Variants in ST6GALNAC3 observed in about 807,000 individuals in gnomAD.
The protein encoded by ST6GALNAC3 is alpha-N-acetylgalactosaminide alpha-2,6-sialyltransferase 3.
In ST6GALNAC3, 25 loss-of-function variants were observed where a neutral mutation model predicts 32.7. The observed-to-expected ratio is 0.76, with a 90% CI of 0.56 to 1.07. The LOEUF (loss-of-function observed/expected upper bound fraction) is 1.07. Among genes scored for constraint, ST6GALNAC3 ranks in the 50% least tolerant of loss-of-function variants. The pLI, the probability that ST6GALNAC3 is intolerant of heterozygous loss-of-function variation, is 0.00. For missense variants in ST6GALNAC3, 355 were observed against 382.4 expected, an observed-to-expected ratio of 0.93 and a Z score of 0.60; for synonymous variants, 129 against 133.1, an observed-to-expected ratio of 0.97 and a Z score of 0.21.
intron 3 of ST6GALNAC3, among the ~76,000 whole-genome samples, chr1:76,504,825 G>A (rs1188960380): frequency 1.3e-5 from 2 of 152,070 alleles, no homozygotes; most frequent in African/African-American, 4.8e-5. Context: ...TCAATACTAG[G>A]TATTCAGTTA....
At chr1:76,227,857 G>T (rs1656162300) in intron 1 of ST6GALNAC3, among the ~76,000 whole-genome samples, 1 of 152,302 alleles carries the variant, frequency 6.6e-6, no homozygotes, top group Non-Finnish European at 1.5e-5. Context: ...TGCTGCACAA[G>T]ATTTGCAGCT....
chr1:76,249,033 TGAG>T (rs1657465644), intron 1 of ST6GALNAC3, among the ~76,000 whole-genome samples: 1 of 152,210 alleles, frequency 6.6e-6, no homozygotes, highest in Non-Finnish European at 1.5e-5. Context: ...TGTTTTCACT[TGAG>T]GAGGTGACCC....
At chr1:76,565,079 T>G (rs315008) in intron 3 of ST6GALNAC3, among the ~76,000 whole-genome samples, 32,589 of 151,972 alleles carry the variant, frequency 0.21, 4,934 homozygotes, top group African/African-American at 0.43. Flanking sequence ...TGGGAGGATG[T>G]CTCTCAGTCC....
intron 1 of ST6GALNAC3, among the ~76,000 whole-genome samples, chr1:76,089,333 A>G (rs556751309): frequency 1.5e-3 from 227 of 152,252 alleles, no homozygotes; most frequent in Non-Finnish European, 1.9e-3. Flanking sequence ...TTACAGGCAT[A>G]AGCCACCGCA....
intron 3 of ST6GALNAC3, among the ~76,000 whole-genome samples, chr1:76,482,214 C>G (rs1457939074): frequency 6.6e-6 from 1 of 151,786 alleles, no homozygotes; most frequent in Non-Finnish European, 1.5e-5. Flanking sequence ...AATTTCAGCC[C>G]AAGAGATCTT....
At chr1:76,301,556 G>T (rs890145894) in intron 1 of ST6GALNAC3, among the ~76,000 whole-genome samples, 3 of 151,950 alleles carry the variant, frequency 2.0e-5, no homozygotes, top group African/African-American at 7.2e-5. Context: ...ATTCAGAATT[G>T]ATAGGAAAAC....
chr1:76,378,232 G>GAT (rs1326898236), intron 2 of ST6GALNAC3, among the ~76,000 whole-genome samples: 4 of 152,132 alleles, frequency 2.6e-5, no homozygotes, highest in Non-Finnish European at 1.5e-5. Context: ...TCTCAGAATT[G>GAT]ATAACATTGT....
chr1:76,174,509 G>C (rs988725803), intron 1 of ST6GALNAC3, among the ~76,000 whole-genome samples: 1 of 150,160 alleles, frequency 6.7e-6, no homozygotes, highest in African/African-American at 2.5e-5. Flanking sequence ...TCCAATATTT[G>C]ATATTTATAC....
At chr1:76,346,726 T>C (rs1483199208) in intron 2 of ST6GALNAC3, among the ~76,000 whole-genome samples, 1 of 152,114 alleles carries the variant, frequency 6.6e-6, no homozygotes, top group Admixed American at 6.5e-5. Context: ...AGTTACATAA[T>C]GCTCCTGAGC....
intron 3 of ST6GALNAC3, among the ~76,000 whole-genome samples, chr1:76,558,228 C>G (rs1325220642): frequency 6.6e-6 from 1 of 152,148 alleles, no homozygotes; most frequent in Non-Finnish European, 1.5e-5. Context: ...TTCAACTCAG[C>G]AATCCTATTA....
chr1:76,340,756 G>T (rs1260341583), intron 2 of ST6GALNAC3, among the ~76,000 whole-genome samples: 1 of 151,834 alleles, frequency 6.6e-6, no homozygotes, highest in Non-Finnish European at 1.5e-5. Flanking sequence ...CTGGGGTGGG[G>T]ATTAGAGAAG....
chr1:76,495,401 T>C (rs1660791243), intron 3 of ST6GALNAC3, among the ~76,000 whole-genome samples: 1 of 152,158 alleles, frequency 6.6e-6, no homozygotes, highest in Non-Finnish European at 1.5e-5. Flanking sequence ...ACTGCCTTTG[T>C]CATCTCAAAC....
intron 2 of ST6GALNAC3, among the ~76,000 whole-genome samples, chr1:76,405,739 T>C (rs187778224): frequency 1.3e-5 from 2 of 152,094 alleles, no homozygotes; most frequent in Admixed American, 1.3e-4. Context: ...TCAGGGTGAA[T>C]AACCTGTCAG....
At chr1:76,393,948 G>A in intron 2 of ST6GALNAC3, among the ~76,000 whole-genome samples, 1 of 152,148 alleles carries the variant, frequency 6.6e-6, no homozygotes, top group East Asian at 1.9e-4. Flanking sequence ...TGGTTTGGAA[G>A]AAATAAAGAT....
intron 1 of ST6GALNAC3, among the ~76,000 whole-genome samples, chr1:76,132,655 C>T (rs1649687802): frequency 6.6e-6 from 1 of 152,162 alleles, no homozygotes; most frequent in Admixed American, 6.5e-5. Flanking sequence ...CTGCTCAGGT[C>T]TCATCCACAG....
At chr1:76,183,074 G>A (rs1286719111) in intron 1 of ST6GALNAC3, among the ~76,000 whole-genome samples, 1 of 152,058 alleles carries the variant, frequency 6.6e-6, no homozygotes, top group Non-Finnish European at 1.5e-5. Flanking sequence ...TTGGGGTTTT[G>A]TTTAATATAT....
At chr1:76,552,255 C>A (rs901603128) in intron 3 of ST6GALNAC3, among the ~76,000 whole-genome samples, 1 of 152,154 alleles carries the variant, frequency 6.6e-6, no homozygotes, top group Non-Finnish European at 1.5e-5. Flanking sequence ...GCTAGGATTG[C>A]TGGAGTCTGT....
chr1:76,433,101 C>T (rs544637327), intron 3 of ST6GALNAC3, among the ~76,000 whole-genome samples: 1 of 152,152 alleles, frequency 6.6e-6, no homozygotes, highest in Non-Finnish European at 1.5e-5. Context: ...TCTCAGAGCT[C>T]TTGCCTCTGA....
rs1656226453 is a variant in ST6GALNAC3, at chr1:76,229,135, A to AAGG, written c.19-84670_19-84669insAGG. On this transcript the variant is annotated intron_variant, in intron 1 of 4. Coordinates refer to ENST00000328299, the MANE Select transcript of ST6GALNAC3 (RefSeq NM_152996.4). ...CAACCTGCAGCAACCCGCCCAGGAA[A>AAGG]CTGACTCCTTATTCTCAATAAAGAA... is the stretch of plus-strand genomic sequence containing the variant. Among the ~76,000 whole-genome samples the AAGG allele has an allele frequency of 2.0e-5, 3 of 152,294 alleles. No individual in the cohort carries two copies. In the South Asian group the frequency reaches 6.2e-4, roughly 32 times the overall value.
Sources: allele counts gnomAD v4.1 joint callset (sites outside exome capture counted in the v4.1 genomes callset), GRCh38; gene constraint gnomAD v4.1.1; transcripts MANE v1.5; gene names NCBI Gene and HGNC (gene_info 2026-07-23, HGNC 2026-07-21).